Variants in DCC observed in about 807,000 individuals in gnomAD.
The protein encoded by DCC is DCC netrin 1 receptor.
In DCC, 58 loss-of-function variants were observed where a neutral mutation model predicts 172.5. The ratio of observed to expected loss-of-function variants is 0.34; its 90% CI spans 0.27 to 0.42. The LOEUF is 0.42. Ranked by LOEUF, DCC falls within the 10% of genes least tolerant of loss-of-function variation. The pLI, the probability that DCC is intolerant of heterozygous loss-of-function variation, is 1.00. For missense variants in DCC, 1,740 were observed against 1,791.0 expected, an observed-to-expected ratio of 0.97 and a Z score of 0.51; for synonymous variants, 709 against 644.5, an observed-to-expected ratio of 1.10 and a Z score of -1.52.
chr18:52,409,814 G>A (rs997177336), intron 1 of DCC, among the ~76,000 whole-genome samples: 1 of 152,150 alleles, frequency 6.6e-6, no homozygotes, highest in Non-Finnish European at 1.5e-5. Flanking sequence ...AGATTGTCAG[G>A]TAGGAAGGGC....
intron 5 of DCC, among the ~76,000 whole-genome samples, chr18:52,997,970 C>G (rs1014003130): frequency 5.3e-5 from 8 of 152,034 alleles, no homozygotes; most frequent in African/African-American, 7.2e-5. Flanking sequence ...CTCTCAGGTT[C>G]AACCCTTCTG....
chr18:53,285,892 A>C (rs760659894), intron 12 of DCC, among the ~76,000 whole-genome samples: 1 of 152,212 alleles, frequency 6.6e-6, no homozygotes, highest in Non-Finnish European at 1.5e-5. Context: ...TTGGAGCTTT[A>C]AGATTTGACT....
intron 1 of DCC, among the ~76,000 whole-genome samples, chr18:52,497,451 T>G (rs2030845339): frequency 1.0e-5 from 1 of 97,044 alleles, no homozygotes; most frequent in African/African-American, 3.7e-5. Flanking sequence ...AGGAACAACA[T>G]AAGTTTTTTT....
intron 5 of DCC, among the ~76,000 whole-genome samples, chr18:53,036,665 A>T (rs1180591352): frequency 6.6e-6 from 1 of 152,028 alleles, no homozygotes; most frequent in African/African-American, 2.4e-5. Flanking sequence ...AACAGCTTAG[A>T]TAGGTAGCAT....
At chr18:52,562,096 T>G (rs2033053083) in intron 1 of DCC, among the ~76,000 whole-genome samples, 2 of 152,048 alleles carry the variant, frequency 1.3e-5, no homozygotes, top group Admixed American at 1.3e-4. Context: ...AACAATCTAG[T>G]TAGGGAAATA....
rs188264811 is a variant in DCC, at chr18:52,552,068, C to T, written c.92-199986C>T. Among the ~76,000 whole-genome samples, 265 of 152,114 alleles carry T rather than the reference C, an allele frequency of 1.7e-3. 1 individual carries two copies. Among genetic ancestry groups the T allele is most frequent in the African/African-American group, 6.1e-3 (252 of 41,510 alleles). On this transcript the variant is annotated intron_variant, in intron 1 of 28. Coordinates refer to ENST00000442544, the MANE Select transcript of DCC (RefSeq NM_005215.4). The stretch of plus-strand genomic sequence containing the variant: ...GGCCTAGAGAAATAAATCATTGAAA[C>T]AAGTAATTCCAAGTGAGAAACCACT...
At chr18:53,067,094 A>T (rs1302345509) in intron 7 of DCC, among the ~76,000 whole-genome samples, 3 of 152,188 alleles carry the variant, frequency 2.0e-5, no homozygotes, top group African/African-American at 7.2e-5. Context: ...ATTAGACATG[A>T]GAGTTTGGTG....
At chr18:52,356,601 T>C (rs1407222461) in intron 1 of DCC, among the ~76,000 whole-genome samples, 1 of 152,188 alleles carries the variant, frequency 6.6e-6, no homozygotes, top group African/African-American at 2.4e-5. Flanking sequence ...TCCATGCTTA[T>C]CTGAGACTTT....
chr18:52,602,204 T>C (rs377018613), intron 1 of DCC, among the ~76,000 whole-genome samples: 1 of 152,100 alleles, frequency 6.6e-6, no homozygotes, highest in East Asian at 1.9e-4. Flanking sequence ...TTCCTGAAAG[T>C]CTCTTTGGTT....
chr18:53,475,670 G>T (rs376632213), intron 25 of DCC, among the ~76,000 whole-genome samples: 2 of 152,346 alleles, frequency 1.3e-5, no homozygotes, highest in South Asian at 4.1e-4. Context: ...GAAGTTTGCT[G>T]CAGGGGTGGG....
At chr18:53,000,371 C>G (rs1599015578) in intron 5 of DCC, among the ~76,000 whole-genome samples, 2 of 151,982 alleles carry the variant, frequency 1.3e-5, no homozygotes, top group Admixed American at 1.3e-4. Flanking sequence ...TCAGCCTTCC[C>G]TCATTACTTG....
intron 19 of DCC, among the ~76,000 whole-genome samples, chr18:53,408,573 C>G (rs191970601): frequency 1.3e-5 from 2 of 152,082 alleles, no homozygotes; most frequent in South Asian, 2.1e-4. Context: ...TGTCTTCTAT[C>G]GGTTAGAAAC....
intron 2 of DCC, among the ~76,000 whole-genome samples, chr18:52,843,422 A>G (rs181535218): frequency 5.9e-5 from 9 of 152,296 alleles, no homozygotes; most frequent in Non-Finnish European, 1.0e-4. Context: ...TGATCCTTGC[A>G]TCAAGCAGAG....
chr18:52,894,629 AC>A (rs1312688588), intron 2 of DCC, among the ~76,000 whole-genome samples: 2 of 151,888 alleles, frequency 1.3e-5, no homozygotes, highest in East Asian at 3.9e-4. Context: ...CAAGCTGGAG[AC>A]CCAGGAGACA....
At chr18:52,817,593 C>A (rs1167265463) in intron 2 of DCC, among the ~76,000 whole-genome samples, 1 of 144,426 alleles carries the variant, frequency 6.9e-6, no homozygotes, top group Non-Finnish European at 1.5e-5. Context: ...CTCTCTTCCT[C>A]TTTCTAATAT....
At chr18:53,465,851 G>A (rs1287398655) in intron 24 of DCC, among the ~76,000 whole-genome samples, 3 of 151,818 alleles carry the variant, frequency 2.0e-5, no homozygotes, top group Non-Finnish European at 2.9e-5. Context: ...TGCAATCTCC[G>A]CCTCCCAGGT....
intron 9 of DCC, among the ~76,000 whole-genome samples, chr18:53,182,006 A>G (rs1362576766): frequency 6.6e-6 from 1 of 152,184 alleles, no homozygotes; most frequent in Non-Finnish European, 1.5e-5. Flanking sequence ...TTTATATATC[A>G]CACATTCCTT....
chr18:53,098,681 T>C (rs2144208390), intron 7 of DCC, among the ~76,000 whole-genome samples: 1 of 152,284 alleles, frequency 6.6e-6, no homozygotes, highest in South Asian at 2.1e-4. Flanking sequence ...CTGCCAGATT[T>C]CCCTACTTTA....
At chr18:53,083,233 C>A (rs1293566767) in intron 7 of DCC, among the ~76,000 whole-genome samples, 2 of 151,958 alleles carry the variant, frequency 1.3e-5, no homozygotes, top group Non-Finnish European at 2.9e-5. Flanking sequence ...TACTGATGAC[C>A]ATGAATGAGA....
Sources: gnomAD v4.1 joint callset for allele counts (sites outside exome capture counted in the v4.1 genomes callset) on GRCh38, gnomAD v4.1.1 for gene constraint, MANE v1.5 for transcripts, NCBI Gene and HGNC (gene_info 2026-07-23, HGNC 2026-07-21) for gene names.